GRIN2A: variants seen among roughly 807,000 people sequenced by gnomAD.
GRIN2A encodes the protein glutamate receptor ionotropic, NMDA 2A.
A neutral mutation model predicts 113.4 loss-of-function variants in GRIN2A; 22 were observed. The ratio of observed to expected loss-of-function variants is 0.19; its 90% CI spans 0.14 to 0.28. The LOEUF is 0.28. GRIN2A is among the 10% of genes least tolerant of loss of function. GRIN2A has a pLI of 1.00. For missense variants in GRIN2A, 1,502 were observed against 1,887.0 expected (o/e 0.80, Z 3.78); for synonymous variants, 827 against 738.4 (o/e 1.12, Z -1.94).
chr16:9,801,357 T>C (rs1193130113), intron 10 of GRIN2A, among the ~76,000 whole-genome samples: 8 of 152,066 alleles, frequency 5.3e-5, no homozygotes, highest in Non-Finnish European at 2.9e-5. Context: ...AAAATAAACA[T>C]ATACACACAC....
At chr16:10,016,834 G>T (rs12923661) in intron 2 of GRIN2A, among the ~76,000 whole-genome samples, 16,601 of 152,138 alleles carry the variant, frequency 0.11, 1,007 homozygotes, top group Middle Eastern at 0.16. Context: ...GCAGACCAGA[G>T]CCACCCCAAC....
intron 2 of GRIN2A, among the ~76,000 whole-genome samples, chr16:10,064,493 C>T (rs186149201): frequency 5.3e-5 from 8 of 152,280 alleles, no homozygotes; most frequent in Admixed American, 4.6e-4. Context: ...GTTAACCCAG[C>T]GACTCCATCA....
intron 2 of GRIN2A, among the ~76,000 whole-genome samples, chr16:9,997,211 C>G (rs116188299): frequency 0.014 from 2,060 of 152,270 alleles, 47 homozygotes; most frequent in African/African-American, 0.047. Flanking sequence ...CCAGTAATCA[C>G]TAGTGTTGGA....
At chr16:9,822,670 C>G (rs555764430) in intron 9 of GRIN2A, among the ~76,000 whole-genome samples, 130 of 152,246 alleles carry the variant, frequency 8.5e-4, no homozygotes, top group African/African-American at 3.0e-3. Flanking sequence ...TACTACTGCT[C>G]AGATCCTAGC....
At chr16:9,944,825 C>T (rs936980164) in intron 2 of GRIN2A, among the ~76,000 whole-genome samples, 1 of 152,170 alleles carries the variant, frequency 6.6e-6, no homozygotes, top group Admixed American at 6.5e-5. Context: ...TTAAGCAGAC[C>T]TGCCAGACCT....
Position 9,990,367 on chromosome 16 carries a change from T to C in GRIN2A, c.415-51816A>G, listed in dbSNP as rs138382134. ...GACATAAAGATGGGAACAATAGACA[T>C]TGGGGATCCCAAAAGGGAGGAGGGA... On this transcript the variant is annotated intron_variant, in intron 2 of 12. Transcript: ENST00000330684. Among the ~76,000 whole-genome samples the C allele has an allele frequency of 5.5e-3, 842 of 152,002 alleles. 5 individuals are homozygous for C. The highest frequency in any genetic ancestry group is 0.019 in the African/African-American group (784 of 41,476).
At chr16:9,842,450 T>C (rs551245331) in intron 5 of GRIN2A, among the ~76,000 whole-genome samples, 90 of 152,320 alleles carry the variant, frequency 5.9e-4, no homozygotes, top group African/African-American at 2.1e-3. Flanking sequence ...TATCCCATTT[T>C]TGGCAAATCC....
intron 4 of GRIN2A, among the ~76,000 whole-genome samples, chr16:9,850,393 T>G (rs1440079864): frequency 6.6e-6 from 1 of 152,192 alleles, no homozygotes; most frequent in African/African-American, 2.4e-5. Flanking sequence ...TTCTCATCTG[T>G]ATAATGAACA....
chr16:9,972,451 C>T (rs1194466391), intron 2 of GRIN2A, among the ~76,000 whole-genome samples: 1 of 152,088 alleles, frequency 6.6e-6, no homozygotes, highest in East Asian at 1.9e-4. Flanking sequence ...AGACAATCAA[C>T]AGAGGCCAAT....
At chr16:9,901,247 G>A (rs907434113) in intron 3 of GRIN2A, among the ~76,000 whole-genome samples, 12 of 151,994 alleles carry the variant, frequency 7.9e-5, no homozygotes, top group East Asian at 1.9e-4. Context: ...GTTTTCTTTC[G>A]TTTTTCCTTT....
At chr16:9,869,764 G>T (rs1297200624) in intron 4 of GRIN2A, among the ~76,000 whole-genome samples, 2 of 152,236 alleles carry the variant, frequency 1.3e-5, no homozygotes, top group Non-Finnish European at 2.9e-5. Context: ...CATAGTCCCT[G>T]CTCAACCAGG....
At chr16:9,968,699 C>G (rs1463249407) in intron 2 of GRIN2A, among the ~76,000 whole-genome samples, 1 of 152,052 alleles carries the variant, frequency 6.6e-6, no homozygotes, top group Non-Finnish European at 1.5e-5. Flanking sequence ...CCCCTGACTC[C>G]CGGGTTCAAG....
chr16:10,119,810 C>CACTTATAAG (rs1433829896), intron 2 of GRIN2A, among the ~76,000 whole-genome samples: 1 of 152,192 alleles, frequency 6.6e-6, no homozygotes, highest in Non-Finnish European at 1.5e-5. Flanking sequence ...GTTTAGCTCC[C>CACTTATAAG]ACTTATAAGT....
chr16:10,008,168 C>T (rs376159117), intron 2 of GRIN2A, among the ~76,000 whole-genome samples: 7 of 152,070 alleles, frequency 4.6e-5, no homozygotes, highest in East Asian at 3.9e-4. Context: ...TGAGCCTTGA[C>T]GGCTCCTGCT....
chr16:9,983,629 C>T (rs569369340), intron 2 of GRIN2A, among the ~76,000 whole-genome samples: 11 of 152,106 alleles, frequency 7.2e-5, no homozygotes, highest in South Asian at 4.2e-4. Flanking sequence ...TTAGTAGAGA[C>T]GGAGTTTCAC....
chr16:10,153,092 G>A (rs1042168341), intron 2 of GRIN2A, among the ~76,000 whole-genome samples: 1 of 152,082 alleles, frequency 6.6e-6, no homozygotes, highest in African/African-American at 2.4e-5. Context: ...TGGACTTTAG[G>A]CGATAATTTT....
intron 2 of GRIN2A, among the ~76,000 whole-genome samples, chr16:9,999,415 A>G (rs1212526627): frequency 6.6e-6 from 1 of 152,260 alleles, no homozygotes; most frequent in Admixed American, 6.5e-5. Flanking sequence ...TGCAGCCATA[A>G]AAAAGGATGA....
At chr16:9,900,584 T>C (rs2043902431) in intron 3 of GRIN2A, among the ~76,000 whole-genome samples, 1 of 152,196 alleles carries the variant, frequency 6.6e-6, no homozygotes, top group African/African-American at 2.4e-5. Context: ...AGATTTCAAC[T>C]AGAAGCAGGG....
chr16:10,153,346 C>T lies in GRIN2A; in HGVS notation c.414+26652G>A, dbSNP rs891966679. On this transcript the variant is annotated intron_variant, in intron 2 of 12. Coordinates refer to ENST00000330684, the MANE Select transcript of GRIN2A (RefSeq NM_001134407.3). ...GTCCACAAGTACTGGATATATTGGC[C>T]ATCCATCACTTGCCAGGCAGTATCT... Among the ~76,000 whole-genome samples, 8 of 152,116 alleles carry T rather than the reference C, an allele frequency of 5.3e-5. No individual in the cohort carries two copies. In the South Asian group the frequency reaches 1.7e-3, roughly 32 times the overall value.
Sources: allele counts gnomAD v4.1 joint callset (sites outside exome capture counted in the v4.1 genomes callset), GRCh38; gene constraint gnomAD v4.1.1; transcripts MANE v1.5; gene names NCBI Gene and HGNC (gene_info 2026-07-23, HGNC 2026-07-21).